Variants in LMOD3 observed in about 807,000 individuals in gnomAD.
LMOD3 encodes the protein leiomodin-3.
Under a neutral mutation model 41.8 loss-of-function variants are expected in LMOD3, and 31 were observed. The observed-to-expected ratio is 0.74, with a 90% confidence interval of 0.56 to 1.00. LMOD3 has a LOEUF of 1.00. Among genes scored for constraint, LMOD3 ranks in the 50% least tolerant of loss-of-function variants. The probability of loss-of-function intolerance (pLI) is 0.00; values close to 1 mark genes in which losing one functional copy is unlikely to be tolerated. For missense variants in LMOD3, 755 were observed against 679.5 expected, an observed-to-expected ratio of 1.11 and a Z score of -1.23; for synonymous variants, 292 against 241.9, an observed-to-expected ratio of 1.21 and a Z score of -1.92.
chr3:69,116,609 C>G (rs1371533590), intron 2 of LMOD3, among the ~76,000 whole-genome samples: 1 of 152,006 alleles, frequency 6.6e-6, no homozygotes, highest in Non-Finnish European at 1.5e-5. Context: ...ATTTTAATGT[C>G]TTTTGTCCTA....
In LMOD3 at chr3:69,119,955, A is replaced by C. The variant is rs1283065889; in HGVS notation, c.400T>G (p.Ser134Ala). ...TCTTGGATATTGCTGCTGCCCTTTG[A>C]TTCTCTTTTATTTGCAACTATTTCA... Reference protein sequence around the residue: ...NNEIVANKRESKGSSNIQETD... With the variant: ...NNEIVANKREAKGSSNIQETD... The change falls in exon 2 of 3, where the codon TCA (serine) becomes GCA (alanine). Residue 134 changes from serine to alanine, a missense_variant. Coordinates refer to ENST00000420581, the MANE Select transcript of LMOD3 (RefSeq NM_198271.5). 1.9e-6 allele frequency: 3 copies of C among 1,576,254 alleles called. No individual in the cohort carries two copies. The highest frequency in any genetic ancestry group is 2.6e-6 in the Non-Finnish European group (3 of 1,159,414).
In LMOD3 at chr3:69,119,512, G is replaced by A. The variant is rs1268359340; in HGVS notation, c.843C>T (p.Asn281=). 1 of 1,613,928 alleles carries A rather than the reference G, an allele frequency of 6.2e-7. No individual in the cohort carries two copies. The highest frequency in any genetic ancestry group is 1.7e-5 in the Admixed American group (1 of 60,006). The stretch of plus-strand genomic sequence containing the variant: ...CTAAACTGAATGTTTTGATGTGCTT[G>A]TTTTTCTTCATTGCATTGACAAAGT... The part of the protein sequence containing the change: ...LLDFVNAMKK[N]KHIKTFSLAN... Residue 281 remains asparagine, a synonymous_variant, in exon 2 of 3, where the codon AAC becomes AAT. Transcript: ENST00000420581.
Position 69,122,281 on chromosome 3 carries a change from G to A in LMOD3, c.106C>T (p.Gln36Ter), listed in dbSNP as rs199876351. Residue 36 changes from glutamine (Q) to a stop codon, truncating the protein, a stop_gained, in exon 1 of 3, where the codon CAG becomes TAG. Coordinates refer to ENST00000420581, the MANE Select transcript of LMOD3 (RefSeq NM_198271.5). LOFTEE classifies it high-confidence loss of function. Reference protein sequence around the residue: ...NLSAEELKELQSEMEVMAPDP... With the variant: ...NLSAEELKEL ...GGGGCCATGACTTCCATTTCCGACT[G>A]CAGTTCTTTCAGTTCTTCAGCAGAC... 3.1e-6 allele frequency: 5 copies of A among 1,613,372 alleles called. No individual in the cohort carries two copies. Among genetic ancestry groups the A allele is most frequent in the Non-Finnish European group, 4.2e-6 (5 of 1,179,706 alleles).
At chr3:69,110,150 T>G (rs2092341554) in intron 2 of LMOD3, among the ~76,000 whole-genome samples, 1 of 152,108 alleles carries the variant, frequency 6.6e-6, no homozygotes, top group African/African-American at 2.4e-5. Flanking sequence ...CTCAGGAGAT[T>G]GAGATGGGAG....
chr3:69,118,857 G>A lies in LMOD3; in HGVS notation c.1498C>T (p.Pro500Ser). The A allele has an allele frequency of 6.2e-7, 1 of 1,610,068 alleles. No individual in the cohort carries two copies. Among genetic ancestry groups the A allele is most frequent in the Non-Finnish European group, 8.5e-7 (1 of 1,179,034 alleles). Residue 500 changes from proline to serine, a missense_variant, in exon 2 of 3, where the codon CCG (proline) becomes TCG (serine). Coordinates refer to ENST00000420581, the MANE Select transcript of LMOD3 (RefSeq NM_198271.5). ...TTCTCGGGTGGTTCTCTGGCTTCCGGCATCCGAGATTTGCGCTGGATTCTC... is the reference window on the plus strand; with the variant it reads ...TTCTCGGGTGGTTCTCTGGCTTCCGACATCCGAGATTTGCGCTGGATTCTC... Reference protein sequence around the residue: ...LKRIQRKSRMPEAREPPEKTN... With the variant: ...LKRIQRKSRMSEAREPPEKTN...
At chr3:69,113,088 A>C (rs2092356785) in intron 2 of LMOD3, among the ~76,000 whole-genome samples, 1 of 152,164 alleles carries the variant, frequency 6.6e-6, no homozygotes, top group African/African-American at 2.4e-5. Context: ...TTTATAGATC[A>C]TCCTGGTTTC....
rs5849875 is a variant in LMOD3 at position 69,122,513 on chromosome 3, ATT to A, written c.-129_-128del. 1.9e-3 allele frequency: 1,120 copies of A among 603,790 alleles called. No homozygotes were observed. The highest frequency in any genetic ancestry group is 0.012 in the East Asian group (383 of 32,398). The allele number at this position is 603,790 out of a possible 1,614,324, so 37.4% of individuals were successfully genotyped here. On this transcript the variant is annotated 5_prime_UTR_variant, in exon 1 of 3. Coordinates refer to ENST00000420581, the MANE Select transcript of LMOD3 (RefSeq NM_198271.5). Reference sequence around the variant, plus strand: ...TCCCAAGTTAACACACCCTTGAGATATTTTTTTTTTTTTCCCAGGAACCTCAG... The same window carrying A: ...TCCCAAGTTAACACACCCTTGAGATATTTTTTTTTTTCCCAGGAACCTCAG...
chr3:69,106,271 G>T lies in LMOD3; in HGVS notation c.*2824C>A, dbSNP rs972942116. ...TGGCACGAGTTTTATATACATGTTAGCCCAGTTTTATATACATGTTAGCCC... is the reference window on the plus strand; with the variant it reads ...TGGCACGAGTTTTATATACATGTTATCCCAGTTTTATATACATGTTAGCCC... On this transcript the variant is annotated 3_prime_UTR_variant, in exon 3 of 3. Coordinates refer to ENST00000420581, the MANE Select transcript of LMOD3 (RefSeq NM_198271.5). Among the ~76,000 whole-genome samples the T allele has an allele frequency of 2.6e-5, 4 of 151,946 alleles. No individual in the cohort carries two copies. The highest frequency in any genetic ancestry group is 4.4e-5 in the Non-Finnish European group (3 of 68,002).
intron 2 of LMOD3, among the ~76,000 whole-genome samples, chr3:69,110,743 T>A (rs1275680309): frequency 1.4e-5 from 2 of 145,496 alleles, no homozygotes; most frequent in Non-Finnish European, 3.0e-5. Context: ...CTCAGGGAGC[T>A]GAGGCAGGAG....
At position 69,119,236 on chromosome 3, in the gene LMOD3, C is replaced by T. The variant is rs776282779; in HGVS notation, c.1119G>A (p.Met373Ile). The change falls in exon 2 of 3, where the codon ATG becomes ATA. Residue 373 changes from methionine to isoleucine, a missense_variant. Transcript: ENST00000420581. ...LLKANNTLLK[M>I]GYHFELPGPR... ...GACCCGGAAGCTCAAAATGGTAGCC[C>T]ATCTTCAGGAGAGTGTTGTTTGCCT... The T allele has an allele frequency of 1.2e-6, 2 of 1,613,778 alleles. No homozygotes were observed. Among genetic ancestry groups the T allele is most frequent in the East Asian group, 2.2e-5 (1 of 44,878 alleles).
intron 2 of LMOD3, among the ~76,000 whole-genome samples, chr3:69,110,947 C>T (rs2092347603): frequency 6.7e-6 from 1 of 149,634 alleles, no homozygotes; most frequent in Admixed American, 6.6e-5. Flanking sequence ...AAACCCACTT[C>T]ATACTTCTGC....
chr3:69,116,259 C>G (rs1055594046), intron 2 of LMOD3, among the ~76,000 whole-genome samples: 1 of 152,170 alleles, frequency 6.6e-6, no homozygotes, highest in Admixed American at 6.5e-5. Flanking sequence ...TTTTTCTTGC[C>G]GAGTGTTTTC....
chr3:69,118,635 A>AT, intron 2 of LMOD3, 64 bp downstream of exon 2: 1 of 1,506,340 alleles, frequency 6.6e-7, no homozygotes, highest in Non-Finnish European at 8.9e-7. Flanking sequence ...CAGAGAGGGA[A>AT]TAAAGTTGGG....
intron 2 of LMOD3, 80 bp from the exon 3 acceptor site, chr3:69,109,201 A>G: frequency 1.5e-6 from 2 of 1,310,238 alleles, no homozygotes; most frequent in Non-Finnish European, 2.1e-6. Flanking sequence ...TACAAAATTT[A>G]CATGCCTTAA....
In LMOD3 at chr3:69,119,435, C is replaced by A; in HGVS notation, c.920G>T (p.Arg307Leu). The A allele has an allele frequency of 6.2e-7, 1 of 1,614,000 alleles. No individual in the cohort carries two copies. The highest frequency in any genetic ancestry group is 8.5e-7 in the Non-Finnish European group (1 of 1,179,900). The change falls in exon 2 of 3, where the codon CGT (arginine) becomes CTT (leucine). Residue 307 changes from arginine to leucine, a missense_variant. Physicochemically the swap from Arg to Leu is moderately radical, Grantham distance 102. Coordinates refer to ENST00000420581, the MANE Select transcript of LMOD3 (RefSeq NM_198271.5). ...NVAFALANMLRENRSITTLNI... is the reference protein window; with the variant it reads ...NVAFALANMLLENRSITTLNI... ...GAGAGTGGTGATGCTTCTATTTTCA[C>A]GCAACATGTTAGCCAAGGCAAATGC...
rs3839076 is a variant in LMOD3, at chr3:69,108,238, CGTGTGTGTGT to C, written c.*847_*856del. On this transcript the variant is annotated 3_prime_UTR_variant, in exon 3 of 3. Transcript: ENST00000420581. ...GACTTACAGAGTAAACACATATGAG[CGTGTGTGTGT>C]GTGTGTGTATTTAGCCAAAACCAAA... 6.7e-6 allele frequency: 1 copy of C among 149,968 alleles called. No homozygotes were observed. Among genetic ancestry groups the C allele is most frequent in the African/African-American group, 2.4e-5 (1 of 40,912 alleles). 9.3% of individuals were successfully genotyped at this position (149,968 alleles called of 1,614,324 possible). A position where few individuals can be genotyped will look rare whatever the true frequency, so the allele number is the denominator to read the frequency against.
rs778515718 is a variant in LMOD3, at chr3:69,119,979, C to T, written c.376G>A (p.Glu126Lys). 2.7e-5 allele frequency: 43 copies of T among 1,598,858 alleles called. No homozygotes were observed. Among genetic ancestry groups the T allele is most frequent in the Non-Finnish European group, 3.5e-5 (41 of 1,171,522 alleles). The part of the protein sequence containing the change: ...AQYLKEKLNN[E>K]IVANKRESKG... ...GATTCTCTTTTATTTGCAACTATTT[C>T]ATTATTGAGCTTTTCTTTTAAATAC... The change falls in exon 2 of 3, where the codon GAA (glutamate) becomes AAA (lysine). Residue 126 changes from glutamate to lysine, a missense_variant. Glu to Lys is a moderately conservative substitution (Grantham distance 56). Coordinates refer to ENST00000420581, the MANE Select transcript of LMOD3 (RefSeq NM_198271.5).
chr3:69,122,347 G>A lies in LMOD3; in HGVS notation c.40C>T (p.Leu14Phe), dbSNP rs761528218. Residue 14 changes from leucine to phenylalanine, a missense_variant, in exon 1 of 3, where the codon CTC (leucine) becomes TTC (phenylalanine). Transcript: ENST00000420581. ...TCATCTTCATTAATCTCCTCATCGA[G>A]AAGTTCTTCTTGATCTGAATTTCTG... ...HSRNSDQEEL[L>F]DEEINEDEIL... 6.5e-7 allele frequency: 1 copy of A among 1,531,526 alleles called. No homozygotes were observed. Among genetic ancestry groups the A allele is most frequent in the Non-Finnish European group, 9.0e-7 (1 of 1,109,616 alleles). 94.9% of individuals were successfully genotyped at this position (1,531,526 alleles called of 1,614,324 possible).
intron 1 of LMOD3, 106 bp from the exon 2 acceptor site, chr3:69,120,166 G>T: frequency 4.2e-5 from 54 of 1,289,896 alleles, no homozygotes; most frequent in Non-Finnish European, 5.5e-5. Context: ...AGAGCTGGTT[G>T]CTATTTTAAA....
Sources: gnomAD v4.1 joint callset for allele counts (sites outside exome capture counted in the v4.1 genomes callset) on GRCh38, gnomAD v4.1.1 for gene constraint, MANE v1.5 for transcripts, NCBI Gene and HGNC (gene_info 2026-07-23, HGNC 2026-07-21) for gene names.